ZNF827: variants seen among roughly 807,000 people sequenced by gnomAD.
ZNF827 encodes zinc finger protein 827.
ZNF827 carries 13 observed loss-of-function variants against 102.4 expected under a neutral mutation model. The ratio of observed to expected loss-of-function variants is 0.13; its 90% confidence interval spans 0.08 to 0.20. ZNF827 has a LOEUF of 0.20. Among genes scored for constraint, ZNF827 ranks in the 10% least tolerant of loss-of-function variants. ZNF827 has a pLI of 1.00. For missense variants in ZNF827, 1,103 were observed against 1,344.4 expected, an observed-to-expected ratio of 0.82 and a Z score of 2.81; for synonymous variants, 523 against 536.2, an observed-to-expected ratio of 0.98 and a Z score of 0.34.
chr4:145,818,618 A>G (rs1187965204), intron 8 of ZNF827, among the ~76,000 whole-genome samples: 2 of 152,264 alleles, frequency 1.3e-5, no homozygotes, highest in Non-Finnish European at 2.9e-5. Flanking sequence ...TTGAGAATGG[A>G]CTGAAGAAAA....
intron 2 of ZNF827, among the ~76,000 whole-genome samples, chr4:145,898,457 G>A (rs1234547746): frequency 1.3e-5 from 2 of 152,240 alleles, no homozygotes; most frequent in East Asian, 3.9e-4. Context: ...GGCATCCTGG[G>A]AATCTTGTTG....
At chr4:145,820,528 C>T (rs894983002) in intron 8 of ZNF827, among the ~76,000 whole-genome samples, 1 of 152,194 alleles carries the variant, frequency 6.6e-6, no homozygotes, top group East Asian at 1.9e-4. Context: ...ACACTAACAA[C>T]AAATTATTTT....
At chr4:145,810,932 G>A (rs573305975) in intron 8 of ZNF827, among the ~76,000 whole-genome samples, 1 of 151,396 alleles carries the variant, frequency 6.6e-6, no homozygotes, top group Admixed American at 6.6e-5. Context: ...AGACATTGAC[G>A]TCCAGCTCAC....
chr4:145,815,863 A>G (rs1026106878), intron 8 of ZNF827, among the ~76,000 whole-genome samples: 1 of 152,208 alleles, frequency 6.6e-6, no homozygotes, highest in Non-Finnish European at 1.5e-5. Flanking sequence ...AGTCTTTGCA[A>G]AAGTAAAAAA....
Position 145,765,262 on chromosome 4 carries a change from C to T in ZNF827, c.3053-97G>A, listed in dbSNP as rs79822587. 233,852 of 1,339,574 alleles carry T rather than the reference C, an allele frequency of 0.17. 28,220 individuals are homozygous for T. Among genetic ancestry groups the T allele is most frequent in the East Asian group, 0.69 (27,520 of 40,032 alleles). 83.0% of individuals were successfully genotyped at this position (1,339,574 alleles called of 1,614,324 possible). ...TCCTCCCCACTTCCTCCCGCCTCCT[C>T]CGACGCCTGACAGCTATACCCTTCC... On this transcript the variant is annotated intron_variant, in intron 12 of 14. Coordinates refer to ENST00000508784, the MANE Select transcript of ZNF827 (RefSeq NM_001306215.2). The surrounding 1 kb of genome is among the most constrained non-coding windows in gnomAD (Gnocchi z 4.7).
intron 8 of ZNF827, among the ~76,000 whole-genome samples, chr4:145,802,576 A>G (rs1741014901): frequency 6.6e-6 from 1 of 152,210 alleles, no homozygotes; most frequent in Non-Finnish European, 1.5e-5. Context: ...CTTTCTTACT[A>G]GCTAGCCCAG....
At chr4:145,773,297 A>T (rs375496688) in intron 11 of ZNF827, among the ~76,000 whole-genome samples, 1 of 152,206 alleles carries the variant, frequency 6.6e-6, no homozygotes, top group Non-Finnish European at 1.5e-5. Context: ...CTCACTTGGC[A>T]TAACGGCTCT....
At chr4:145,861,274 G>A (rs1275292731) in intron 5 of ZNF827, among the ~76,000 whole-genome samples, 2 of 152,216 alleles carry the variant, frequency 1.3e-5, no homozygotes, top group East Asian at 3.8e-4. Flanking sequence ...GGAAAATAAT[G>A]ATTAAGCTCT....
At chr4:145,764,964 A>G (rs1392828925) in intron 13 of ZNF827, 24 bp downstream of exon 13, 5 of 1,609,516 alleles carry the variant, frequency 3.1e-6, no homozygotes, top group Non-Finnish European at 4.2e-6. Flanking sequence ...ACGCAGTAAA[A>G]GGTTCTGTAC....
In ZNF827 at chr4:145,765,281, C is replaced by T; in HGVS notation, c.3053-116G>A. 2 of 1,167,072 alleles carry T rather than the reference C, an allele frequency of 1.7e-6. No individual in the cohort carries two copies. Among genetic ancestry groups the T allele is most frequent in the Non-Finnish European group, 1.2e-6 (1 of 848,424 alleles). The allele number at this position is 1,167,072 out of a possible 1,614,324, so 72.3% of individuals were successfully genotyped here. ...CCTCCTCCGACGCCTGACAGCTATA[C>T]CCTTCCAGGCACTGTTCCCCATATC... On this transcript the variant is annotated intron_variant, in intron 12 of 14. Transcript: ENST00000508784. This position sits in a 1 kb window ranked among gnomAD's most constrained non-coding sequence, Gnocchi z 4.7.
intron 6 of ZNF827, among the ~76,000 whole-genome samples, chr4:145,847,161 TA>T (rs751658762): frequency 0.046 from 5,772 of 125,182 alleles, 146 homozygotes; most frequent in Non-Finnish European, 0.062. Context: ...CTCAAAAAAA[TA>T]AAAAAAAAAA....
At chr4:145,814,741 T>C (rs887695458) in intron 8 of ZNF827, among the ~76,000 whole-genome samples, 18 of 137,042 alleles carry the variant, frequency 1.3e-4, no homozygotes, top group Admixed American at 7.1e-4. Context: ...CTGGCCAACA[T>C]GGTGAAACCC....
intron 8 of ZNF827, among the ~76,000 whole-genome samples, chr4:145,784,781 A>G (rs1738608572): frequency 6.6e-6 from 1 of 152,034 alleles, no homozygotes; most frequent in South Asian, 2.1e-4. Context: ...TTGTTTCATT[A>G]TTTTACATAG....
rs756638030 is a variant in ZNF827 at position 145,765,736 on chromosome 4, C to T, written c.2863G>A (p.Glu955Lys). Residue 955 changes from glutamate to lysine, a missense_variant and splice_region_variant, in exon 12 of 15, where the codon GAA becomes AAA. By Grantham distance (56) the Glu-to-Lys change is moderately conservative. Transcript: ENST00000508784. The surrounding 1 kb of genome is among the most constrained non-coding windows in gnomAD (Gnocchi z 4.7). ...KTHIGTKHTG[E>K]DRKTPSESNS... The stretch of plus-strand genomic sequence containing the variant: ...GATTCGCTGGGGGTCTTCCTGTCTT[C>T]CCCTGAAAAATAAGCAAATAACCCA... The T allele has an allele frequency of 1.2e-6, 2 of 1,612,536 alleles. No homozygotes were observed. Among genetic ancestry groups the T allele is most frequent in the East Asian group, 2.2e-5 (1 of 44,846 alleles).
At chr4:145,937,310 G>A (rs975930354) in intron 1 of ZNF827, among the ~76,000 whole-genome samples, 3 of 151,888 alleles carry the variant, frequency 2.0e-5, no homozygotes, top group East Asian at 1.9e-4. Context: ...GCCGGGGAGG[G>A]CTGTGATGCA....
intron 8 of ZNF827, among the ~76,000 whole-genome samples, chr4:145,802,319 A>G (rs983828342): frequency 1.3e-5 from 2 of 152,002 alleles, no homozygotes; most frequent in Admixed American, 6.6e-5. Flanking sequence ...GTATCACCAG[A>G]CTACACTGGG....
At chr4:145,924,331 C>T (rs552861296) in intron 1 of ZNF827, among the ~76,000 whole-genome samples, 48 of 152,202 alleles carry the variant, frequency 3.2e-4, no homozygotes, top group African/African-American at 7.7e-4. Flanking sequence ...TTAAACTGGG[C>T]GGTAGGTTTA....
chr4:145,793,167 C>A (rs1226674813), intron 8 of ZNF827, among the ~76,000 whole-genome samples: 1 of 150,344 alleles, frequency 6.7e-6, no homozygotes, highest in African/African-American at 2.4e-5. Context: ...ATAACTTCCA[C>A]ATAGACAAGG....
chr4:145,789,150 G>A (rs1227505070), intron 8 of ZNF827, among the ~76,000 whole-genome samples: 1 of 152,192 alleles, frequency 6.6e-6, no homozygotes, highest in African/African-American at 2.4e-5. Flanking sequence ...CCATTGATAA[G>A]GGTGGAGGAG....
Sources: allele counts gnomAD v4.1 joint callset (sites outside exome capture counted in the v4.1 genomes callset), GRCh38; gene constraint gnomAD v4.1.1; non-coding constraint Gnocchi (gnomAD v3.1); transcripts MANE v1.5; gene names NCBI Gene and HGNC (gene_info 2026-07-23, HGNC 2026-07-21).